The following ACTN4 variants were observed in gnomAD, a reference collection of about 807,000 sequenced individuals.
The protein encoded by ACTN4 is alpha-actinin-4.
Under a neutral mutation model 114.2 loss-of-function variants are expected in ACTN4, and 18 were observed. That is an observed-to-expected ratio of 0.16 (90% CI 0.11 to 0.23). The LOEUF is 0.23. Among genes scored for constraint, ACTN4 ranks in the 10% least tolerant of loss-of-function variants. The probability of loss-of-function intolerance (pLI) is 1.00; values close to 1 mark genes in which losing one functional copy is unlikely to be tolerated. For synonymous variants in ACTN4, 515 were observed against 506.3 expected, an observed-to-expected ratio of 1.02 and a Z score of -0.23; for missense variants, 722 against 1,262.9, an observed-to-expected ratio of 0.57 and a Z score of 6.49.
chr19:38,726,389 C>T (rs1969233799), intron 17 of ACTN4, among the ~76,000 whole-genome samples: 1 of 152,164 alleles, frequency 6.6e-6, no homozygotes, highest in Non-Finnish European at 1.5e-5. Context: ...ATGACAATGC[C>T]CCTCACAGGA....
intron 1 of ACTN4, among the ~76,000 whole-genome samples, chr19:38,694,740 T>TA (rs11452402): frequency 1 from 152,346 of 152,346 alleles, 76,173 homozygotes; most frequent in Non-Finnish European, 1. Flanking sequence ...CAAATGGAGA[T>TA]ATATCGCATG....
At chr19:38,685,520 G>A (rs73933044) in intron 1 of ACTN4, among the ~76,000 whole-genome samples, 31 of 152,298 alleles carry the variant, frequency 2.0e-4, no homozygotes, top group African/African-American at 7.2e-4. Flanking sequence ...AGGCTGGTGA[G>A]CACCCAACCT....
In ACTN4 at chr19:38,727,638, G is replaced by C. The variant is rs67679036; in HGVS notation, c.2338-308G>C. On this transcript the variant is annotated intron_variant, in intron 18 of 20. Coordinates refer to ENST00000252699, the MANE Select transcript of ACTN4 (RefSeq NM_004924.6). The surrounding 1 kb of genome is among the most constrained non-coding windows in gnomAD (Gnocchi z 5.4). ...CAAAGGCAAGGAGAACCCCCCCCCC[G>C]ACCCTCCACCAGTCCTGGGACTTGT... Among the ~76,000 whole-genome samples the C allele has an allele frequency of 0.086, 6,909 of 80,252 alleles. 131 individuals carry two copies. The highest frequency in any genetic ancestry group is 0.21 in the South Asian group (389 of 1,856). The allele number at this position is 80,252 out of a possible 152,430, so 52.6% of individuals were successfully genotyped here.
At chr19:38,697,858 C>T (rs947828291) in intron 1 of ACTN4, among the ~76,000 whole-genome samples, 15 of 152,246 alleles carry the variant, frequency 9.9e-5, no homozygotes, top group African/African-American at 3.4e-4. Context: ...ACTTCCTTCC[C>T]AGCCCATTTG....
In ACTN4 at chr19:38,730,450, CTGAT is replaced by C. The variant is rs151276707; in HGVS notation, c.*1024_*1027del. The C allele has an allele frequency of 1.1e-4, 22 of 204,622 alleles. No individual in the cohort carries two copies. The highest frequency in any genetic ancestry group is 4.9e-4 in the African/African-American group (21 of 42,444). 12.7% of individuals were successfully genotyped at this position (204,622 alleles called of 1,614,324 possible). A position where few individuals can be genotyped will look rare whatever the true frequency, so the allele number is the denominator to read the frequency against. ...CCTACCTTTTTTTTTTGAGTTTATTCTGATTGATTTTTTTTCTTGGTTTCTGGAT... is the reference window on the plus strand; with the variant it reads ...CCTACCTTTTTTTTTTGAGTTTATTCTGATTTTTTTTCTTGGTTTCTGGAT... On this transcript the variant is annotated 3_prime_UTR_variant, in exon 21 of 21. Coordinates refer to ENST00000252699, the MANE Select transcript of ACTN4 (RefSeq NM_004924.6).
In ACTN4 at chr19:38,708,234, G is replaced by T. The variant is rs752394679; in HGVS notation, c.651+39G>T. On this transcript the variant is annotated intron_variant, in intron 6 of 20. Coordinates refer to ENST00000252699, the MANE Select transcript of ACTN4 (RefSeq NM_004924.6). ...GCTCCCCTTGATGGCCCACAGACGT[G>T]CCCTGTCTGACCCCCTAACTCCGGG... 1.2e-6 allele frequency: 2 copies of T among 1,606,686 alleles called. 1 individual carries two copies. Among genetic ancestry groups the T allele is most frequent in the South Asian group, 2.2e-5 (2 of 90,894 alleles).
At chr19:38,699,863 G>C (rs898980003) in intron 1 of ACTN4, among the ~76,000 whole-genome samples, 1 of 152,190 alleles carries the variant, frequency 6.6e-6, no homozygotes, top group African/African-American at 2.4e-5. Flanking sequence ...CGACACAGGC[G>C]TGTGTGCAGG....
At position 38,647,659 on chromosome 19, in the gene ACTN4, AAGCGGCGGT is replaced by A. The variant is rs1235894912; in HGVS notation, c.-78_-70del. On this transcript the variant is annotated 5_prime_UTR_variant, in exon 1 of 21. Transcript: ENST00000252699. ...GGCGGAGGGCGGGCTGAAGCAGCTG[AAGCGGCGGT>A]AGCGGCGGCGGCTCGGGCAGAGGGG... 6.8e-6 allele frequency: 10 copies of A among 1,466,740 alleles called. No homozygotes were observed. The highest frequency in any genetic ancestry group is 9.0e-6 in the Non-Finnish European group (10 of 1,106,646). The allele number at this position is 1,466,740 out of a possible 1,614,324, so 90.9% of individuals were successfully genotyped here.
intron 1 of ACTN4, among the ~76,000 whole-genome samples, chr19:38,673,517 T>TCATATATATTTATATATATGAATA (rs1555826155): frequency 0.14 from 10,365 of 73,624 alleles, 1,574 homozygotes; most frequent in Non-Finnish European, 0.23. Context: ...GAATATATAT[T>TCATATATATTTATATATATGAATA]TATATATATT....
At chr19:38,666,623 CTG>C (rs572780450) in intron 1 of ACTN4, among the ~76,000 whole-genome samples, 172 of 152,364 alleles carry the variant, frequency 1.1e-3, no homozygotes, top group African/African-American at 4.0e-3. Flanking sequence ...ACGGCTGGGA[CTG>C]TGCATATCCA....
intron 1 of ACTN4, among the ~76,000 whole-genome samples, chr19:38,699,136 TC>T (rs1468950605): frequency 6.6e-6 from 1 of 152,182 alleles, no homozygotes; most frequent in Non-Finnish European, 1.5e-5. Flanking sequence ...TGGGCTGGTT[TC>T]CCTGAAGGCG....
Position 38,731,315 on chromosome 19 carries a change from G to T in ACTN4, c.*1883G>T. ...CCACCTCCTCAGGGAGGACATGAAT[G>T]CCACAGGGTGTCACACCCCAACTCT... On this transcript the variant is annotated 3_prime_UTR_variant, in exon 21 of 21. Coordinates refer to ENST00000252699, the MANE Select transcript of ACTN4 (RefSeq NM_004924.6). The T allele has an allele frequency of 1.1e-6, 1 of 948,592 alleles. No individual in the cohort carries two copies. Among genetic ancestry groups the T allele is most frequent in the Non-Finnish European group, 1.7e-6 (1 of 592,454 alleles). 58.8% of individuals were successfully genotyped at this position (948,592 alleles called of 1,614,324 possible).
chr19:38,670,835 A>G (rs1465922562), intron 1 of ACTN4, among the ~76,000 whole-genome samples: 1 of 151,758 alleles, frequency 6.6e-6, no homozygotes, highest in Non-Finnish European at 1.5e-5. Flanking sequence ...AGGCAGGAGA[A>G]TCCCTTGAAC....
chr19:38,650,293 G>C (rs1355978555), intron 1 of ACTN4, among the ~76,000 whole-genome samples: 1 of 152,124 alleles, frequency 6.6e-6, no homozygotes, highest in Non-Finnish European at 1.5e-5. Flanking sequence ...CCGAGAGTTA[G>C]GGTGTGGGCT....
intron 1 of ACTN4, among the ~76,000 whole-genome samples, chr19:38,678,845 A>T (rs1436814603): frequency 6.6e-6 from 1 of 152,182 alleles, no homozygotes; most frequent in Non-Finnish European, 1.5e-5. Context: ...CTCCTTTTAA[A>T]TGCAACCTTG....
At position 38,718,206 on chromosome 19, in the gene ACTN4, G is replaced by A. The variant is rs758813131; in HGVS notation, c.1291+132G>A. The stretch of plus-strand genomic sequence containing the variant: ...TGTTTCTCAGGTGCCCTTTCTTGCT[G>A]CTTGGGAGCATGTGTGTGTGTCAGA... On this transcript the variant is annotated intron_variant, in intron 11 of 20. Coordinates refer to ENST00000252699, the MANE Select transcript of ACTN4 (RefSeq NM_004924.6). 9 of 1,438,062 alleles carry A rather than the reference G, an allele frequency of 6.3e-6. No homozygotes were observed. The East Asian group carries it at 2.2e-4, about 36-fold the overall frequency. 89.1% of individuals were successfully genotyped at this position (1,438,062 alleles called of 1,614,324 possible).
intron 8 of ACTN4, among the ~76,000 whole-genome samples, chr19:38,713,201 C>T (rs549591906): frequency 9.8e-5 from 15 of 152,320 alleles, no homozygotes; most frequent in African/African-American, 3.1e-4. Context: ...TTCTAGTCAC[C>T]GAAGCGTTCC....
chr19:38,657,453 A>T (rs1976745507), intron 1 of ACTN4, among the ~76,000 whole-genome samples: 1 of 152,054 alleles, frequency 6.6e-6, no homozygotes, highest in South Asian at 2.1e-4. Context: ...TAATTTTTAA[A>T]TTTTTTGTAA....
chr19:38,659,920 TC>T (rs1304016599), intron 1 of ACTN4, among the ~76,000 whole-genome samples: 1 of 100,872 alleles, frequency 9.9e-6, no homozygotes, highest in Non-Finnish European at 2.3e-5. Context: ...TTCTATATGA[TC>T]TTTTTTTTTT....
Sources: allele counts gnomAD v4.1 joint callset (sites outside exome capture counted in the v4.1 genomes callset), GRCh38; gene constraint gnomAD v4.1.1; non-coding constraint Gnocchi (gnomAD v3.1); transcripts MANE v1.5; gene names NCBI Gene and HGNC (gene_info 2026-07-23, HGNC 2026-07-21).